Variants in SFSWAP observed in about 807,000 individuals in gnomAD.
SFSWAP encodes the protein splicing factor, suppressor of white-apricot homolog.
A neutral mutation model predicts 100.7 loss-of-function variants in SFSWAP; 17 were observed. The observed-to-expected ratio is 0.17, with a 90% confidence interval of 0.12 to 0.25. The LOEUF is 0.25. SFSWAP is among the 10% of genes least tolerant of loss of function. The pLI, the probability that SFSWAP is intolerant of heterozygous loss-of-function variation, is 1.00. For synonymous variants in SFSWAP, 504 were observed against 510.1 expected (o/e 0.99, Z 0.16); for missense variants, 1,005 against 1,262.6 (o/e 0.80, Z 3.09).
intron 13 of SFSWAP, among the ~76,000 whole-genome samples, chr12:131,776,918 T>G (rs557153277): frequency 6.6e-6 from 1 of 152,238 alleles, no homozygotes; most frequent in South Asian, 2.1e-4. Flanking sequence ...CTGGTTCCGA[T>G]GCGCTGTGGT....
At chr12:131,753,046 C>A in intron 7 of SFSWAP, 77 bp from the exon 8 acceptor site, 2 of 1,577,572 alleles carry the variant, frequency 1.3e-6, no homozygotes, top group South Asian at 1.2e-5. Context: ...GGGGGAAGGG[C>A]TCTTGTGGCT....
intron 13 of SFSWAP, among the ~76,000 whole-genome samples, chr12:131,775,861 G>T (rs1230975900): frequency 6.6e-6 from 1 of 151,382 alleles, no homozygotes; most frequent in Non-Finnish European, 1.5e-5. Flanking sequence ...ATGCTGAGGT[G>T]TGCAGTTCAC....
At chr12:131,727,920 A>G (rs529723642) in intron 6 of SFSWAP, among the ~76,000 whole-genome samples, 2 of 152,176 alleles carry the variant, frequency 1.3e-5, no homozygotes, top group African/African-American at 2.4e-5. Context: ...TTTTGTGGGA[A>G]TGATTGCTGA....
At position 131,799,411 on chromosome 12, in the gene SFSWAP, C is replaced by G; in HGVS notation, c.2791-12C>G. The stretch of plus-strand genomic sequence containing the variant: ...TCTTCACAGGTTCTCCTCTGTGTCT[C>G]GCCCTGCACAGGATCTCATGGCCAA... On this transcript the variant is annotated splice_polypyrimidine_tract_variant and intron_variant, in intron 17 of 17. Transcript: ENST00000261674. 1.9e-6 allele frequency: 3 copies of G among 1,613,792 alleles called. No individual in the cohort carries two copies. The highest frequency in any genetic ancestry group is 1.7e-6 in the Non-Finnish European group (2 of 1,179,680).
chr12:131,745,419 A>G (rs901981576), intron 7 of SFSWAP, among the ~76,000 whole-genome samples: 8 of 152,216 alleles, frequency 5.3e-5, no homozygotes, highest in African/African-American at 9.6e-5. Context: ...AGAAGGAGAA[A>G]GAGTTTCTCC....
chr12:131,764,378 G>A lies in SFSWAP; in HGVS notation c.1721-78G>A, dbSNP rs536636483. ...GCTAGTCATCCCCTTCCCAGCAGCC[G>A]ATGCTCAGGTGGGTAGCAGGGCCTG... On this transcript the variant is annotated intron_variant, in intron 11 of 17. Coordinates refer to ENST00000261674, the MANE Select transcript of SFSWAP (RefSeq NM_004592.4). 2.3e-5 allele frequency: 26 copies of A among 1,134,370 alleles called. No homozygotes were observed. In the East Asian group the frequency reaches 4.5e-4, roughly 20 times the overall value. The allele number at this position is 1,134,370 out of a possible 1,614,324, so 70.3% of individuals were successfully genotyped here.
At chr12:131,754,640 T>G in intron 9 of SFSWAP, 141 bp downstream of exon 9, 17 of 504,592 alleles carry the variant, frequency 3.4e-5, no homozygotes, top group South Asian at 4.1e-5. Context: ...TTTTTTTTTT[T>G]TTTTTTTTTT....
chr12:131,735,684 C>G (rs116173169), intron 7 of SFSWAP, among the ~76,000 whole-genome samples: 2,030 of 152,332 alleles, frequency 0.013, 43 homozygotes, highest in African/African-American at 0.045. Flanking sequence ...TCCTGTGGTC[C>G]TCACGTGAGC....
At chr12:131,731,134 C>G (rs1462501192) in intron 7 of SFSWAP, among the ~76,000 whole-genome samples, 2 of 152,204 alleles carry the variant, frequency 1.3e-5, no homozygotes, top group East Asian at 1.9e-4. Context: ...AGAGCTAGAA[C>G]TTTGGCTCTA....
At chr12:131,718,116 AACTG>A (rs1439404505) in intron 3 of SFSWAP, among the ~76,000 whole-genome samples, 1 of 152,236 alleles carries the variant, frequency 6.6e-6, no homozygotes, top group Non-Finnish European at 1.5e-5. Context: ...GGTGTTAAAT[AACTG>A]TAACTTAATA....
intron 3 of SFSWAP, among the ~76,000 whole-genome samples, chr12:131,716,146 C>T (rs1041222172): frequency 6.6e-6 from 1 of 152,322 alleles, no homozygotes; most frequent in African/African-American, 2.4e-5. Flanking sequence ...AATGATAGGA[C>T]GTGGGGCAAA....
At chr12:131,771,306 C>A (rs1034769187) in intron 13 of SFSWAP, among the ~76,000 whole-genome samples, 4 of 152,148 alleles carry the variant, frequency 2.6e-5, no homozygotes, top group African/African-American at 7.2e-5. Flanking sequence ...CTGTAAATCA[C>A]CCCCTCTGTG....
At position 131,776,658 on chromosome 12, in the gene SFSWAP, C is replaced by T. The variant is rs536039283; in HGVS notation, c.2143-1407C>T. Among the ~76,000 whole-genome samples, 9 of 152,364 alleles carry T rather than the reference C, an allele frequency of 5.9e-5. No homozygotes were observed. The South Asian group carries it at 1.2e-3, about 21-fold the overall frequency. ...ACAGATGCCGTCCTGCGCACACTGC[C>T]GCGGGCTGGGCTGGAGCTCTCCCCG... On this transcript the variant is annotated intron_variant, in intron 13 of 17. Coordinates refer to ENST00000261674, the MANE Select transcript of SFSWAP (RefSeq NM_004592.4).
At chr12:131,735,024 GT>G (rs1214303279) in intron 7 of SFSWAP, among the ~76,000 whole-genome samples, 6 of 152,202 alleles carry the variant, frequency 3.9e-5, no homozygotes, top group African/African-American at 1.2e-4. Context: ...TTGCCACACA[GT>G]CACAAAAGTG....
chr12:131,787,455 T>C (rs1884974044), intron 15 of SFSWAP, among the ~76,000 whole-genome samples: 1 of 151,978 alleles, frequency 6.6e-6, no homozygotes, highest in African/African-American at 2.4e-5. Flanking sequence ...GCCGTGCATT[T>C]CCACTCTTTC....
intron 6 of SFSWAP, 49 bp from the exon 7 acceptor site, chr12:131,728,244 G>A: frequency 6.2e-7 from 1 of 1,608,410 alleles, no homozygotes; most frequent in Non-Finnish European, 8.5e-7. Context: ...GAAGAGTTCT[G>A]CATGGTTCAG....
At chr12:131,756,703 A>G (rs968736583) in intron 11 of SFSWAP, 59 bp downstream of exon 11, 2 of 1,440,488 alleles carry the variant, frequency 1.4e-6, no homozygotes, top group Non-Finnish European at 1.9e-6. Flanking sequence ...CAAGCGTAGG[A>G]TCCTCGGTGA....
At chr12:131,760,898 C>T (rs1468299136) in intron 11 of SFSWAP, among the ~76,000 whole-genome samples, 1 of 152,112 alleles carries the variant, frequency 6.6e-6, no homozygotes. Flanking sequence ...ATGGTGAAAC[C>T]CTGTCTCTAC....
At chr12:131,797,408 G>C (rs751829540) in intron 16 of SFSWAP, 48 bp downstream of exon 16, 1 of 1,520,808 alleles carries the variant, frequency 6.6e-7, no homozygotes, top group East Asian at 2.3e-5. Flanking sequence ...GCAAGGGGCG[G>C]CCAGCAGGAC....
Sources: gnomAD v4.1 joint callset for allele counts (sites outside exome capture counted in the v4.1 genomes callset) on GRCh38, gnomAD v4.1.1 for gene constraint, MANE v1.5 for transcripts, NCBI Gene and HGNC (gene_info 2026-07-23, HGNC 2026-07-21) for gene names.